Variants in CSRNP3 observed in about 807,000 individuals in gnomAD.
The protein encoded by CSRNP3 is cysteine/serine-rich nuclear protein 3.
A neutral mutation model predicts 48.0 loss-of-function variants in CSRNP3; 12 were observed. That is an observed-to-expected ratio of 0.25 (90% CI 0.16 to 0.41). The LOEUF (loss-of-function observed/expected upper bound fraction) is 0.41, where lower values mean the gene tolerates loss of function less well. Ranked by LOEUF, CSRNP3 falls within the 10% of genes least tolerant of loss-of-function variation. The pLI is 1.00. For synonymous variants in CSRNP3, 263 were observed against 269.7 expected, an observed-to-expected ratio of 0.98 and a Z score of 0.24; for missense variants, 580 against 724.4, an observed-to-expected ratio of 0.80 and a Z score of 2.29.
chr2:165,470,201 G>A (rs934829784), intron 1 of CSRNP3, among the ~76,000 whole-genome samples: 3 of 152,022 alleles, frequency 2.0e-5, no homozygotes, highest in African/African-American at 7.2e-5. Context: ...TACAGTAAAA[G>A]GCTTAGGAAA....
At chr2:165,546,148 C>G (rs988159258) in intron 3 of CSRNP3, among the ~76,000 whole-genome samples, 5 of 151,994 alleles carry the variant, frequency 3.3e-5, no homozygotes. Context: ...CAATACCCTT[C>G]TTCACAAATA....
intron 4 of CSRNP3, among the ~76,000 whole-genome samples, chr2:165,622,738 A>G (rs1686361934): frequency 6.6e-6 from 1 of 152,220 alleles, no homozygotes; most frequent in African/African-American, 2.4e-5. Flanking sequence ...GTTGCCATAT[A>G]CTGTTCTTAC....
intron 4 of CSRNP3, among the ~76,000 whole-genome samples, chr2:165,613,511 T>G (rs1686174618): frequency 6.6e-6 from 1 of 152,178 alleles, no homozygotes; most frequent in Non-Finnish European, 1.5e-5. Flanking sequence ...TGTTTTCTTC[T>G]GAGAGTTTTA....
At chr2:165,629,991 G>T (rs189007005) in intron 4 of CSRNP3, among the ~76,000 whole-genome samples, 4 of 152,090 alleles carry the variant, frequency 2.6e-5, no homozygotes, top group Admixed American at 6.5e-5. Context: ...TAAAAGAAAG[G>T]TTGCAGCATT....
intron 4 of CSRNP3, among the ~76,000 whole-genome samples, chr2:165,625,679 G>A (rs1003194082): frequency 1.3e-5 from 2 of 151,442 alleles, no homozygotes; most frequent in African/African-American, 4.9e-5. Flanking sequence ...GGCCAGGCAT[G>A]GTGACTCACA....
chr2:165,679,260 A>G lies in CSRNP3; in HGVS notation c.1265A>G (p.His422Arg). The change falls in exon 7 of 7, where the codon CAT becomes CGT. Residue 422 changes from histidine to arginine, a missense_variant. His to Arg is a conservative substitution (Grantham distance 29). Coordinates refer to ENST00000651982, the MANE Select transcript of CSRNP3 (RefSeq NM_001172173.2). ...GATGGCACCGCCGTTCACGAAAGCC[A>G]TGCAAAGAATGCTTCTTTTTATGCC... Reference protein sequence around the residue: ...YSDGTAVHESHAKNASFYANS... With the variant: ...YSDGTAVHESRAKNASFYANS... The G allele has an allele frequency of 6.2e-7, 1 of 1,614,026 alleles. No homozygotes were observed. Among genetic ancestry groups the G allele is most frequent in the Non-Finnish European group, 8.5e-7 (1 of 1,179,998 alleles).
intron 5 of CSRNP3, among the ~76,000 whole-genome samples, chr2:165,673,124 T>C (rs1319627837): frequency 7.5e-6 from 1 of 133,644 alleles, no homozygotes; most frequent in Non-Finnish European, 1.6e-5. Context: ...TGAAACAGTA[T>C]GTAGCTCTTT....
chr2:165,480,619 G>A (rs1684027534), intron 1 of CSRNP3, among the ~76,000 whole-genome samples: 1 of 151,622 alleles, frequency 6.6e-6, no homozygotes, highest in South Asian at 2.1e-4. Context: ...ATATCCCAAT[G>A]CACCCTTAAA....
chr2:165,644,447 G>A (rs1162353253), intron 4 of CSRNP3, among the ~76,000 whole-genome samples: 1 of 152,162 alleles, frequency 6.6e-6, no homozygotes, highest in Non-Finnish European at 1.5e-5. Flanking sequence ...AAATGCTTAT[G>A]TATTTAGCCC....
At chr2:165,542,468 C>A (rs1322277162) in intron 3 of CSRNP3, among the ~76,000 whole-genome samples, 1 of 152,072 alleles carries the variant, frequency 6.6e-6, no homozygotes, top group Non-Finnish European at 1.5e-5. Context: ...AGGGCTCCAA[C>A]AATTCATAAT....
intron 3 of CSRNP3, among the ~76,000 whole-genome samples, chr2:165,568,870 G>C (rs13389777): frequency 6.6e-6 from 1 of 151,756 alleles, no homozygotes; most frequent in Non-Finnish European, 1.5e-5. Context: ...TTTGACATTT[G>C]ATAAATTATT....
At chr2:165,493,369 C>T (rs1306240997) in intron 1 of CSRNP3, among the ~76,000 whole-genome samples, 1 of 152,098 alleles carries the variant, frequency 6.6e-6, no homozygotes, top group Admixed American at 6.6e-5. Context: ...CAAACTGATG[C>T]ATCTCTAGTC....
At position 165,585,530 on chromosome 2, in the gene CSRNP3, A is replaced by G. The variant is rs760190163; in HGVS notation, c.-23-9513A>G. Among the ~76,000 whole-genome samples the G allele has an allele frequency of 1.8e-4, 27 of 152,294 alleles. 1 individual carries two copies. The highest frequency in any genetic ancestry group is 3.3e-4 in the Admixed American group (5 of 15,298). ...AAGCTAAAGAAGAAAAGCTTTTCCT[A>G]TGCAACTCAATCCAGACACTGGTGT... On this transcript the variant is annotated intron_variant, in intron 3 of 6. Transcript: ENST00000651982.
intron 4 of CSRNP3, among the ~76,000 whole-genome samples, chr2:165,609,230 AG>A (rs1029841289): frequency 5.3e-5 from 8 of 150,522 alleles, no homozygotes; most frequent in African/African-American, 2.0e-4. Flanking sequence ...CCGAGGCAGG[AG>A]GATCACGAGG....
chr2:165,574,801 G>C (rs1685422464), intron 3 of CSRNP3, among the ~76,000 whole-genome samples: 1 of 152,048 alleles, frequency 6.6e-6, no homozygotes, highest in African/African-American at 2.4e-5. Flanking sequence ...CGAGTTCCTA[G>C]CCTAAGATTA....
chr2:165,573,878 G>A (rs2105276219), intron 3 of CSRNP3, among the ~76,000 whole-genome samples: 1 of 152,178 alleles, frequency 6.6e-6, no homozygotes, highest in South Asian at 2.1e-4. Flanking sequence ...AACAAGGGAA[G>A]TTAATGAAAA....
intron 2 of CSRNP3, among the ~76,000 whole-genome samples, chr2:165,500,994 T>C (rs550794666): frequency 3.9e-5 from 6 of 152,264 alleles, no homozygotes; most frequent in African/African-American, 1.4e-4. Context: ...CAGATCCAAC[T>C]TTCTGCTGTT....
At chr2:165,648,123 G>T (rs997516490) in intron 4 of CSRNP3, among the ~76,000 whole-genome samples, 4 of 152,046 alleles carry the variant, frequency 2.6e-5, no homozygotes, top group African/African-American at 9.7e-5. Flanking sequence ...TTTTTTAAGT[G>T]ATTTGTCGTG....
At chr2:165,632,246 G>A (rs1035109862) in intron 4 of CSRNP3, among the ~76,000 whole-genome samples, 1 of 152,164 alleles carries the variant, frequency 6.6e-6, no homozygotes, top group Non-Finnish European at 1.5e-5. Context: ...GAAGTGCCAG[G>A]CATGGTAGTT....
Sources: allele counts gnomAD v4.1 joint callset (sites outside exome capture counted in the v4.1 genomes callset), GRCh38; gene constraint gnomAD v4.1.1; transcripts MANE v1.5; gene names NCBI Gene and HGNC (gene_info 2026-07-23, HGNC 2026-07-21).